ARHGEF7: variants seen among roughly 807,000 people sequenced by gnomAD.
ARHGEF7 encodes the protein PAK-interacting exchange factor beta.
Under a neutral mutation model 109.8 loss-of-function variants are expected in ARHGEF7, and 33 were observed. The ratio of observed to expected loss-of-function variants is 0.30; its 90% CI spans 0.23 to 0.40. ARHGEF7 has a LOEUF of 0.40. Ranked by LOEUF, ARHGEF7 falls within the 10% of genes least tolerant of loss-of-function variation. ARHGEF7 has a pLI of 1.00. For synonymous variants in ARHGEF7, 458 were observed against 424.6 expected, an observed-to-expected ratio of 1.08 and a Z score of -0.97; for missense variants, 938 against 1,098.5, an observed-to-expected ratio of 0.85 and a Z score of 2.07.
At chr13:111,190,240 A>T (rs776155816) in intron 2 of ARHGEF7, among the ~76,000 whole-genome samples, 5 of 152,220 alleles carry the variant, frequency 3.3e-5, no homozygotes, top group Non-Finnish European at 7.3e-5. Flanking sequence ...AGTAATAGCA[A>T]GATGGCTGCC....
intron 16 of ARHGEF7, among the ~76,000 whole-genome samples, chr13:111,283,655 C>T (rs546475993): frequency 1.3e-5 from 2 of 152,294 alleles, no homozygotes; most frequent in Admixed American, 1.3e-4. Flanking sequence ...GCTGGAAAGG[C>T]GCTGAGCCCA....
At chr13:111,185,689 TGCAGGCATGTGCTCCTA>T (rs2153436273) in intron 2 of ARHGEF7, among the ~76,000 whole-genome samples, 1 of 152,376 alleles carries the variant, frequency 6.6e-6, no homozygotes, top group African/African-American at 2.4e-5. Context: ...GGCTGTTCTT[TGCAGGCATGTGCTCCTA>T]GCAGTCGAAG....
chr13:111,243,311 A>G (rs927514691), intron 6 of ARHGEF7, among the ~76,000 whole-genome samples: 1 of 152,232 alleles, frequency 6.6e-6, no homozygotes, highest in Non-Finnish European at 1.5e-5. Flanking sequence ...TACAATGTAT[A>G]TATCTGTTGT....
chr13:111,280,239 G>GTTTTTT, intron 13 of ARHGEF7, 33 bp from the exon 14 acceptor site: 1 of 1,196,994 alleles, frequency 8.4e-7, no homozygotes, highest in Non-Finnish European at 1.2e-6. Context: ...AGCACTAATT[G>GTTTTTT]TTTTTTTTTT....
chr13:111,300,779 G>T lies in ARHGEF7; in HGVS notation c.2343G>T (p.Leu781Phe). The T allele has an allele frequency of 1.2e-6, 2 of 1,611,410 alleles. No homozygotes were observed. Among genetic ancestry groups the T allele is most frequent in the Non-Finnish European group, 1.7e-6 (2 of 1,178,876 alleles). ...RSRKESAPQV[L>F]LPEEEKIIVE... ...GCAAAGAATCTGCTCCACAAGTTTT[G>T]CTTCCAGAAGAAGAGAAAATTATAG... Residue 781 changes from leucine to phenylalanine, a missense_variant, in exon 20 of 22, where the codon TTG becomes TTT. Coordinates refer to ENST00000646102, the MANE Select transcript of ARHGEF7 (RefSeq NM_001354046.2).
At chr13:111,293,386 A>G (rs1288220737) in intron 19 of ARHGEF7, 2 of 984,016 alleles carry the variant, frequency 2.0e-6, no homozygotes, top group African/African-American at 1.8e-5. Context: ...TTGTAATGGG[A>G]TATTGAAGTT....
At chr13:111,143,066 G>A (rs948467920) in intron 1 of ARHGEF7, among the ~76,000 whole-genome samples, 3 of 152,162 alleles carry the variant, frequency 2.0e-5, no homozygotes, top group African/African-American at 7.2e-5. Flanking sequence ...AGTGGTGGAG[G>A]CAAACAAAGG....
At chr13:111,299,309 G>A (rs1007422883) in intron 19 of ARHGEF7, among the ~76,000 whole-genome samples, 8 of 150,754 alleles carry the variant, frequency 5.3e-5, no homozygotes, top group East Asian at 3.9e-4. Context: ...GAGCCTAAGC[G>A]TGCAGTAAAA....
intron 2 of ARHGEF7, among the ~76,000 whole-genome samples, chr13:111,154,909 C>T (rs1372268240): frequency 6.6e-6 from 1 of 151,982 alleles, no homozygotes; most frequent in Non-Finnish European, 1.5e-5. Context: ...ATATCAAGCT[C>T]CCAGATAAGA....
At chr13:111,278,815 C>T (rs1202060618) in intron 13 of ARHGEF7, among the ~76,000 whole-genome samples, 3 of 152,246 alleles carry the variant, frequency 2.0e-5, no homozygotes, top group Non-Finnish European at 4.4e-5. Context: ...AGGCAGGGGC[C>T]TTCTCTAACC....
intron 8 of ARHGEF7, among the ~76,000 whole-genome samples, chr13:111,245,511 T>C (rs917300154): frequency 2.0e-5 from 3 of 152,198 alleles, no homozygotes; most frequent in African/African-American, 7.2e-5. Flanking sequence ...GCCGATCAAC[T>C]GTAGAACAGT....
At chr13:111,188,309 C>T (rs1304125402) in intron 2 of ARHGEF7, among the ~76,000 whole-genome samples, 1 of 152,220 alleles carries the variant, frequency 6.6e-6, no homozygotes, top group Non-Finnish European at 1.5e-5. Flanking sequence ...ATTCACCCAG[C>T]TAAGCTGCCC....
intron 1 of ARHGEF7, among the ~76,000 whole-genome samples, chr13:111,120,511 A>G (rs1167255735): frequency 8.6e-6 from 1 of 116,028 alleles, no homozygotes; most frequent in Non-Finnish European, 2.1e-5. Flanking sequence ...ATAGACACGC[A>G]CACACGCACA....
At chr13:111,292,062 C>T (rs1183526762) in intron 18 of ARHGEF7, 56 bp from the exon 19 acceptor site, 29 of 1,476,540 alleles carry the variant, frequency 2.0e-5, no homozygotes, top group Non-Finnish European at 2.6e-5. Flanking sequence ...CTCTTCCTGT[C>T]GTTCTCCTCC....
chr13:111,276,679 C>G (rs1347347777), intron 12 of ARHGEF7, among the ~76,000 whole-genome samples: 1 of 152,116 alleles, frequency 6.6e-6, no homozygotes, highest in African/African-American at 2.4e-5. Flanking sequence ...TGTGAATGTT[C>G]CCAATGTATG....
chr13:111,175,665 G>A lies in ARHGEF7; in HGVS notation c.252+21674G>A, dbSNP rs117074836. 4.6e-5 allele frequency among the ~76,000 whole-genome samples: 7 copies of A among 152,286 alleles called. No individual in the cohort carries two copies. The South Asian group carries it at 6.2e-4, about 14-fold the overall frequency. On this transcript the variant is annotated intron_variant, in intron 2 of 21. Transcript: ENST00000646102. Reference sequence around the variant, plus strand: ...CGCTTTGAAAGGTATTGCCTTGGACGTCCTCATAGCAGCCCTGGGAGGTGG... The same window carrying A: ...CGCTTTGAAAGGTATTGCCTTGGACATCCTCATAGCAGCCCTGGGAGGTGG...
chr13:111,211,622 C>T (rs2082507517), intron 4 of ARHGEF7, among the ~76,000 whole-genome samples: 1 of 152,160 alleles, frequency 6.6e-6, no homozygotes, highest in Non-Finnish European at 1.5e-5. Context: ...TAGAGAGCTG[C>T]TTTCTCTTTG....
In ARHGEF7 at chr13:111,131,051, T is replaced by C. The variant is rs2074718623; in HGVS notation, c.165+15360T>C. Reference sequence around the variant, plus strand: ...TGCAAAGGTTTTGATACTTTTCAAATTTTTAAGGGAAGAATGATATGATCA... The same window carrying C: ...TGCAAAGGTTTTGATACTTTTCAAACTTTTAAGGGAAGAATGATATGATCA... On this transcript the variant is annotated intron_variant, in intron 1 of 21. Coordinates refer to ENST00000646102, the MANE Select transcript of ARHGEF7 (RefSeq NM_001354046.2). This position sits in a 1 kb window ranked among gnomAD's most constrained non-coding sequence, Gnocchi z 4.4. Among the ~76,000 whole-genome samples the C allele has an allele frequency of 6.6e-6, 1 of 152,232 alleles. No individual in the cohort carries two copies. Among genetic ancestry groups the C allele is most frequent in the African/African-American group, 2.4e-5 (1 of 41,466 alleles).
intron 8 of ARHGEF7, among the ~76,000 whole-genome samples, chr13:111,261,372 A>G (rs1013778304): frequency 2.6e-5 from 4 of 152,176 alleles, no homozygotes; most frequent in Admixed American, 2.0e-4. Context: ...AGACAAAGAA[A>G]GTCATTATAT....
Sources: allele counts gnomAD v4.1 joint callset (sites outside exome capture counted in the v4.1 genomes callset), GRCh38; gene constraint gnomAD v4.1.1; non-coding constraint Gnocchi (gnomAD v3.1); transcripts MANE v1.5; gene names NCBI Gene and HGNC (gene_info 2026-07-23, HGNC 2026-07-21).